The following FAM227B variants were observed in gnomAD, a reference collection of about 807,000 sequenced individuals.
FAM227B encodes protein FAM227B.
A neutral mutation model predicts 73.8 loss-of-function variants in FAM227B; 88 were observed. The ratio of observed to expected loss-of-function variants is 1.19; its 90% CI spans 1.00 to 1.42. The LOEUF is 1.42. Ranked by LOEUF, FAM227B falls within the 40% of genes most tolerant of loss-of-function variation. The pLI is 0.00. For missense variants in FAM227B, 632 were observed against 590.9 expected, an observed-to-expected ratio of 1.07 and a Z score of -0.72; for synonymous variants, 210 against 190.5, an observed-to-expected ratio of 1.10 and a Z score of -0.84.
intron 3 of FAM227B, among the ~76,000 whole-genome samples, chr15:49,607,466 A>G (rs561565221): frequency 2.0e-4 from 30 of 152,330 alleles, no homozygotes; most frequent in African/African-American, 7.2e-4. Context: ...TGGCAGCCAC[A>G]TTTGAAAACA....
chr15:49,563,477 A>G (rs1280920119), intron 9 of FAM227B, among the ~76,000 whole-genome samples: 1 of 152,172 alleles, frequency 6.6e-6, no homozygotes, highest in African/African-American at 2.4e-5. Context: ...TTTTCACAGA[A>G]GTAGAAAAAT....
intron 11 of FAM227B, among the ~76,000 whole-genome samples, chr15:49,460,143 G>A (rs1597343044): frequency 6.6e-6 from 1 of 152,040 alleles, no homozygotes; most frequent in South Asian, 2.1e-4. Flanking sequence ...TCATGGAAGA[G>A]GCAAGCCCCA....
intron 11 of FAM227B, among the ~76,000 whole-genome samples, chr15:49,374,534 G>A (rs2046034308): frequency 6.6e-6 from 1 of 152,192 alleles, no homozygotes; most frequent in African/African-American, 2.4e-5. Context: ...GGAAAATGAT[G>A]AGTATTTCAA....
intron 5 of FAM227B, among the ~76,000 whole-genome samples, chr15:49,584,240 TAAAC>T (rs367828309): frequency 4.8e-4 from 73 of 152,236 alleles, no homozygotes; most frequent in African/African-American, 1.6e-3. Flanking sequence ...ATTCATCACA[TAAAC>T]AAAACTCAAA....
intron 13 of FAM227B, among the ~76,000 whole-genome samples, chr15:49,367,174 T>C (rs549741747): frequency 4.4e-4 from 67 of 152,326 alleles, no homozygotes; most frequent in Admixed American, 2.6e-4. Flanking sequence ...GTTGCAAAGA[T>C]AGCCTTTTAT....
chr15:49,366,360 C>CA, intron 13 of FAM227B: 10 of 786,944 alleles, frequency 1.3e-5, no homozygotes, highest in Non-Finnish European at 2.3e-5. Context: ...ATTGCTTCAG[C>CA]ACCTCTTTTC....
At chr15:49,365,718 A>C (rs115784989) in intron 13 of FAM227B, 18,851 of 893,024 alleles carry the variant, frequency 0.021, 824 homozygotes, top group African/African-American at 0.12. Context: ...GACAGAAAGC[A>C]ATCTCCAAGA....
chr15:49,360,907 A>T (rs1240616508), intron 13 of FAM227B, among the ~76,000 whole-genome samples: 1 of 152,148 alleles, frequency 6.6e-6, no homozygotes, highest in Admixed American at 6.5e-5. Flanking sequence ...CTCTCCATAC[A>T]TACCTCCAGT....
chr15:49,396,499 C>A (rs1229752696), intron 11 of FAM227B: 1 of 169,920 alleles, frequency 5.9e-6, no homozygotes, highest in African/African-American at 2.4e-5. Context: ...CCCACCACAG[C>A]TCAAGGAGGC....
chr15:49,613,063 T>C (rs2078053448), intron 2 of FAM227B, among the ~76,000 whole-genome samples: 1 of 151,840 alleles, frequency 6.6e-6, no homozygotes, highest in Non-Finnish European at 1.5e-5. Context: ...AAAATATAGG[T>C]TAGGGTCAAG....
chr15:49,449,529 T>C (rs764851063), intron 11 of FAM227B, among the ~76,000 whole-genome samples: 10 of 151,982 alleles, frequency 6.6e-5, no homozygotes, highest in Admixed American at 2.0e-4. Context: ...ATGCTCCAAA[T>C]TGCACAGGGT....
intron 11 of FAM227B, among the ~76,000 whole-genome samples, chr15:49,441,967 G>A (rs1567282288): frequency 6.6e-6 from 1 of 151,324 alleles, no homozygotes; most frequent in Non-Finnish European, 1.5e-5. Context: ...TGTCTGGCTA[G>A]AGCTCCTTGA....
intron 9 of FAM227B, among the ~76,000 whole-genome samples, chr15:49,542,374 T>C (rs2071198323): frequency 6.6e-6 from 1 of 152,156 alleles, no homozygotes; most frequent in African/African-American, 2.4e-5. Flanking sequence ...TGGTATCTAA[T>C]TGCATGGAAA....
At position 49,565,307 on chromosome 15, in the gene FAM227B, G is replaced by A. The variant is rs561847712; in HGVS notation, c.747+2938C>T. ...TGAGGCAGAAGAATCGCTTGAACCC[G>A]GGAGGCGGAGGTTGCAGTGAGCCGT... On this transcript the variant is annotated intron_variant, in intron 9 of 15. Transcript: ENST00000299338. 9.2e-5 allele frequency among the ~76,000 whole-genome samples: 14 copies of A among 151,404 alleles called. No homozygotes were observed. The East Asian group carries it at 9.8e-4, about 11-fold the overall frequency.
intron 13 of FAM227B, chr15:49,366,773 G>A (rs374576157): frequency 1.6e-5 from 10 of 638,166 alleles, no homozygotes; most frequent in Admixed American, 9.6e-5. Context: ...CCTCCGTGGC[G>A]GGGGCGGCCG....
chr15:49,572,756 T>G (rs1349074841), intron 8 of FAM227B, among the ~76,000 whole-genome samples: 1 of 152,136 alleles, frequency 6.6e-6, no homozygotes, highest in Non-Finnish European at 1.5e-5. Flanking sequence ...TTGCTAAGCC[T>G]TTAGGAGCTG....
intron 4 of FAM227B, 39 bp downstream of exon 4, chr15:49,589,737 A>T: frequency 1.6e-6 from 2 of 1,243,534 alleles, no homozygotes; most frequent in Non-Finnish European, 2.3e-6. Flanking sequence ...ACATAGTGAG[A>T]CTCCATTTCT....
intron 8 of FAM227B, among the ~76,000 whole-genome samples, chr15:49,570,907 T>C (rs375487869): frequency 6.8e-6 from 1 of 147,812 alleles, no homozygotes; most frequent in East Asian, 1.9e-4. Flanking sequence ...TTATTATGAA[T>C]ATATTTAATA....
chr15:49,579,600 G>C (rs942403158), intron 5 of FAM227B, among the ~76,000 whole-genome samples: 1 of 152,118 alleles, frequency 6.6e-6, no homozygotes, highest in Admixed American at 6.6e-5. Flanking sequence ...ATTTCGTGGA[G>C]GTATAGAGTA....
Sources: gnomAD v4.1 joint callset for allele counts (sites outside exome capture counted in the v4.1 genomes callset) on GRCh38, gnomAD v4.1.1 for gene constraint, MANE v1.5 for transcripts, NCBI Gene and HGNC (gene_info 2026-07-23, HGNC 2026-07-21) for gene names.